MAST2: variants seen among roughly 807,000 people sequenced by gnomAD.
The protein encoded by MAST2 is microtubule associated serine/threonine kinase 2.
MAST2 carries 70 observed loss-of-function variants against 147.4 expected under a neutral mutation model. The ratio of observed to expected loss-of-function variants is 0.47; its 90% CI spans 0.39 to 0.58. The LOEUF is 0.58. MAST2 is among the 20% of genes least tolerant of loss of function. The pLI is 0.00. For missense variants in MAST2, 2,080 were observed against 2,302.3 expected (o/e 0.90, Z 1.98); for synonymous variants, 869 against 896.8 (o/e 0.97, Z 0.55).
intron 3 of MAST2, among the ~76,000 whole-genome samples, chr1:45,855,808 C>T (rs1645770337): frequency 1.3e-5 from 2 of 151,906 alleles, no homozygotes; most frequent in South Asian, 4.2e-4. Context: ...TTTATTTTTT[C>T]CAATCTATAT....
intron 3 of MAST2, among the ~76,000 whole-genome samples, chr1:45,831,984 T>A (rs1018700225): frequency 3.3e-5 from 5 of 152,112 alleles, no homozygotes; most frequent in Admixed American, 3.3e-4. Flanking sequence ...TTCACCATGT[T>A]GGCCAGGCTG....
At chr1:45,869,567 G>C (rs1042445462) in intron 3 of MAST2, among the ~76,000 whole-genome samples, 3 of 152,088 alleles carry the variant, frequency 2.0e-5, no homozygotes, top group Non-Finnish European at 2.9e-5. Context: ...ATCCTCTGCT[G>C]CTTTATGTAT....
At chr1:45,886,335 C>G (rs1253012965) in intron 4 of MAST2, among the ~76,000 whole-genome samples, 1 of 150,498 alleles carries the variant, frequency 6.6e-6, no homozygotes, top group Non-Finnish European at 1.5e-5. Context: ...CACACACACA[C>G]ACACACACAC....
intron 4 of MAST2, among the ~76,000 whole-genome samples, chr1:45,905,550 G>A (rs1394161712): frequency 1.3e-5 from 2 of 152,120 alleles, no homozygotes; most frequent in Non-Finnish European, 2.9e-5. Flanking sequence ...AGGCCAAGGC[G>A]CGGATCACGA....
At chr1:45,811,872 G>A (rs1404091780) in intron 1 of MAST2, among the ~76,000 whole-genome samples, 1 of 152,048 alleles carries the variant, frequency 6.6e-6, no homozygotes, top group Non-Finnish European at 1.5e-5. Context: ...CTGACCTCGT[G>A]ATCCGCCTGT....
intron 16 of MAST2, among the ~76,000 whole-genome samples, 183 bp downstream of exon 16, chr1:46,025,998 A>G (rs900964111): frequency 6.6e-6 from 1 of 152,210 alleles, no homozygotes. Context: ...CATTGCCTCA[A>G]GGTCTGGCTG....
chr1:45,917,275 T>A, intron 4 of MAST2: 1 of 1,161,238 alleles, frequency 8.6e-7, no homozygotes, highest in Non-Finnish European at 1.1e-6. Context: ...ACTTTGAATA[T>A]GTTTCTTTTT....
intron 3 of MAST2, among the ~76,000 whole-genome samples, chr1:45,830,181 C>CT (rs11407885): frequency 0.76 from 82,453 of 108,240 alleles, 32,311 homozygotes; most frequent in East Asian, 0.93. Flanking sequence ...TTAATTGAAT[C>CT]TTTTTTTTTT....
In MAST2 at chr1:45,916,333, GAA is replaced by G. The variant is rs781475106; in HGVS notation, c.500+33940_500+33941del. Among the ~76,000 whole-genome samples, 55 of 152,290 alleles carry G rather than the reference GAA, an allele frequency of 3.6e-4. 1 individual carries two copies. Among genetic ancestry groups the G allele is most frequent in the Non-Finnish European group, 5.9e-5 (4 of 68,010 alleles). ...GAAATTAAATAATGGTGTGTGTATAGAAAGCCATGCCAATAAGGTAGCAAATT... is the reference window on the plus strand; with the variant it reads ...GAAATTAAATAATGGTGTGTGTATAGAGCCATGCCAATAAGGTAGCAAATT... On this transcript the variant is annotated intron_variant, in intron 4 of 28. Transcript: ENST00000361297.
At chr1:45,950,677 A>G (rs1658797118) in intron 4 of MAST2, among the ~76,000 whole-genome samples, 1 of 152,348 alleles carries the variant, frequency 6.6e-6, no homozygotes, top group African/African-American at 2.4e-5. Context: ...TAGGATTCTC[A>G]TAAATGCAGC....
intron 4 of MAST2, among the ~76,000 whole-genome samples, chr1:45,884,583 A>G (rs904035899): frequency 5.3e-5 from 8 of 151,872 alleles, no homozygotes; most frequent in East Asian, 3.9e-4. Flanking sequence ...AAAAAAGCCT[A>G]CTCTGTGCTG....
intron 3 of MAST2, among the ~76,000 whole-genome samples, chr1:45,856,988 T>A (rs1308883149): frequency 6.6e-6 from 1 of 152,182 alleles, no homozygotes; most frequent in African/African-American, 2.4e-5. Flanking sequence ...ATCAATATGT[T>A]CAGTATCTCA....
chr1:45,987,302 T>C (rs1241633412), intron 5 of MAST2, among the ~76,000 whole-genome samples: 1 of 152,090 alleles, frequency 6.6e-6, no homozygotes, highest in Non-Finnish European at 1.5e-5. Context: ...CAAAAACCTG[T>C]GTATGTTCTT....
chr1:45,805,797 CTT>C (rs763614930), intron 1 of MAST2, among the ~76,000 whole-genome samples: 4 of 152,200 alleles, frequency 2.6e-5, no homozygotes, highest in Non-Finnish European at 5.9e-5. Context: ...TTGTTACTCT[CTT>C]TGTTTTATAT....
At chr1:45,843,000 G>C (rs963996158) in intron 3 of MAST2, among the ~76,000 whole-genome samples, 1 of 152,190 alleles carries the variant, frequency 6.6e-6, no homozygotes, top group Non-Finnish European at 1.5e-5. Context: ...GTATGAAGTG[G>C]TACCTCATTG....
At chr1:45,847,570 T>A in intron 3 of MAST2, 2 of 799,886 alleles carry the variant, frequency 2.5e-6, no homozygotes, top group Non-Finnish European at 4.0e-6. Flanking sequence ...ATGACTTTTT[T>A]TCCCATCCTG....
intron 3 of MAST2, among the ~76,000 whole-genome samples, chr1:45,833,387 G>GTTC (rs61415077): frequency 0.79 from 119,232 of 151,344 alleles, 47,357 homozygotes; most frequent in East Asian, 0.96. Context: ...TTCAAGATTA[G>GTTC]TTCTTCTTCT....
chr1:46,007,153 G>C (rs916297248), intron 8 of MAST2, among the ~76,000 whole-genome samples: 1 of 152,212 alleles, frequency 6.6e-6, no homozygotes, highest in African/African-American at 2.4e-5. Flanking sequence ...AAATGAACAT[G>C]ACTTTAATGA....
At chr1:45,814,795 A>G (rs996558295) in intron 1 of MAST2, among the ~76,000 whole-genome samples, 1 of 152,208 alleles carries the variant, frequency 6.6e-6, no homozygotes, top group Non-Finnish European at 1.5e-5. Context: ...CTCAAAAATA[A>G]AAAGAAAAAG....
Sources: allele counts gnomAD v4.1 joint callset (sites outside exome capture counted in the v4.1 genomes callset), GRCh38; gene constraint gnomAD v4.1.1; transcripts MANE v1.5; gene names NCBI Gene and HGNC (gene_info 2026-07-23, HGNC 2026-07-21).